TTC7A: variants seen among roughly 807,000 people sequenced by gnomAD.
TTC7A encodes the protein tetratricopeptide repeat domain 7A.
TTC7A carries 110 observed loss-of-function variants against 103.7 expected under a neutral mutation model. That is an observed-to-expected ratio of 1.06 (90% confidence interval 0.91 to 1.24). The LOEUF (loss-of-function observed/expected upper bound fraction) is 1.24, where lower values mean the gene tolerates loss of function less well. Ranked by LOEUF, TTC7A falls within the 50% of genes most tolerant of loss-of-function variation. The pLI is 0.00. For synonymous variants in TTC7A, 521 were observed against 467.9 expected (o/e 1.11, Z -1.47); for missense variants, 1,340 against 1,116.3 (o/e 1.20, Z -2.86).
intron 18 of TTC7A, among the ~76,000 whole-genome samples, chr2:47,052,909 C>T (rs1043630101): frequency 2.0e-5 from 3 of 152,116 alleles, no homozygotes; most frequent in Admixed American, 1.3e-4. Context: ...GGAGAAGAAA[C>T]CGAAAGTTGA....
intron 2 of TTC7A, among the ~76,000 whole-genome samples, chr2:46,917,991 G>A (rs1290825861): frequency 6.6e-6 from 1 of 152,118 alleles, no homozygotes; most frequent in Admixed American, 6.5e-5. Flanking sequence ...CTCCCTATGT[G>A]AGTTTACCTA....
chr2:46,961,407 C>T (rs898740398), intron 3 of TTC7A, among the ~76,000 whole-genome samples: 1 of 151,888 alleles, frequency 6.6e-6, no homozygotes, highest in African/African-American at 2.4e-5. Flanking sequence ...GAAACCCTAT[C>T]TCTACTAAAA....
chr2:46,948,516 C>A (rs751056624), intron 1 of TTC7A, among the ~76,000 whole-genome samples: 7 of 152,028 alleles, frequency 4.6e-5, no homozygotes, highest in Non-Finnish European at 1.0e-4. Flanking sequence ...ATAACAGGTG[C>A]CTTCAGAACG....
At chr2:47,056,077 T>G (rs1214730489) in intron 18 of TTC7A, among the ~76,000 whole-genome samples, 1 of 152,170 alleles carries the variant, frequency 6.6e-6, no homozygotes, top group Admixed American at 6.5e-5. Context: ...CTGACTGCCT[T>G]GTGCCCTCTA....
intron 2 of TTC7A, among the ~76,000 whole-genome samples, chr2:46,923,422 G>A (rs1039320740): frequency 1.3e-5 from 2 of 152,218 alleles, no homozygotes; most frequent in Non-Finnish European, 2.9e-5. Flanking sequence ...TCACTGTGGA[G>A]TCTTTAAGGA....
chr2:47,058,310 C>G (rs564203263), intron 18 of TTC7A, among the ~76,000 whole-genome samples: 18 of 152,302 alleles, frequency 1.2e-4, no homozygotes, highest in Non-Finnish European at 2.4e-4. Context: ...AACCAGAGTC[C>G]TCTCACTCAG....
intron 15 of TTC7A, among the ~76,000 whole-genome samples, chr2:47,042,588 A>G (rs1162115913): frequency 1.3e-5 from 2 of 152,208 alleles, no homozygotes; most frequent in African/African-American, 4.8e-5. Context: ...AACCAACTCA[A>G]AATATAAAAT....
chr2:47,008,554 T>C (rs1233667671), intron 10 of TTC7A, among the ~76,000 whole-genome samples: 3 of 152,200 alleles, frequency 2.0e-5, no homozygotes, highest in Non-Finnish European at 2.9e-5. Flanking sequence ...GATTGGCCAG[T>C]TGCCCATGCA....
At chr2:46,937,695 C>T (rs1670049482), upstream of TTC7A, among the ~76,000 whole-genome samples, 2 of 152,186 alleles carry the variant, frequency 1.3e-5, no homozygotes, top group Admixed American at 1.3e-4. The surrounding 1 kb of genome is among the most constrained non-coding windows in gnomAD (Gnocchi z 4.0). Flanking sequence ...ACCTCCTTCT[C>T]CCAAAGTGTT....
intron 11 of TTC7A, among the ~76,000 whole-genome samples, chr2:47,018,373 A>G (rs1572923073): frequency 6.6e-6 from 1 of 151,998 alleles, no homozygotes; most frequent in African/African-American, 2.4e-5. Context: ...ACCTGAGCTC[A>G]GGAGTTCGAG....
chr2:47,044,052 A>ACCAGC (rs1419034694), intron 15 of TTC7A, among the ~76,000 whole-genome samples: 3 of 152,026 alleles, frequency 2.0e-5, no homozygotes, highest in Admixed American at 6.5e-5. Flanking sequence ...GTCCCCAGGA[A>ACCAGC]CCAGCCCAGC....
intron 19 of TTC7A, among the ~76,000 whole-genome samples, chr2:47,062,232 G>GGT (rs919981674): frequency 6.6e-6 from 1 of 152,166 alleles, no homozygotes; most frequent in Admixed American, 6.5e-5. Flanking sequence ...AGCCAGACCA[G>GGT]GTCATCTTCA....
At chr2:46,991,917 C>T (rs1433553272) in intron 5 of TTC7A, among the ~76,000 whole-genome samples, 1 of 152,190 alleles carries the variant, frequency 6.6e-6, no homozygotes, top group Admixed American at 6.5e-5. Context: ...AGACAAGGGT[C>T]CATCTTGCTT....
At chr2:46,945,181 C>T (rs937755609) in intron 1 of TTC7A, among the ~76,000 whole-genome samples, 2 of 152,040 alleles carry the variant, frequency 1.3e-5, no homozygotes, top group Non-Finnish European at 2.9e-5. Flanking sequence ...TAGTTCACTT[C>T]ACCCTGGGCT....
At chr2:47,022,725 C>T (rs547888722) in intron 12 of TTC7A, among the ~76,000 whole-genome samples, 1 of 152,292 alleles carries the variant, frequency 6.6e-6, no homozygotes, top group East Asian at 1.9e-4. Context: ...ATAAGGAACA[C>T]CTGGGTCTGC....
chr2:47,055,583 A>G (rs920526456), intron 18 of TTC7A, among the ~76,000 whole-genome samples: 4 of 152,034 alleles, frequency 2.6e-5, no homozygotes, highest in Non-Finnish European at 2.9e-5. Context: ...CATGACCCCC[A>G]TGATCCCAGG....
chr2:46,979,232 CAG>C (rs1251274075), intron 5 of TTC7A, among the ~76,000 whole-genome samples: 1 of 152,154 alleles, frequency 6.6e-6, no homozygotes, highest in African/African-American at 2.4e-5. Context: ...AAGCAAAGGA[CAG>C]TGAGCTGGCC....
chr2:46,975,819 C>G, intron 4 of TTC7A, among the ~76,000 whole-genome samples: 1 of 152,244 alleles, frequency 6.6e-6, no homozygotes, highest in African/African-American at 2.4e-5. Context: ...TCACTGTAAC[C>G]TCCACCTCCT....
intron 5 of TTC7A, among the ~76,000 whole-genome samples, chr2:46,987,162 T>C (rs954812047): frequency 2.0e-5 from 3 of 151,838 alleles, no homozygotes; most frequent in Non-Finnish European, 4.4e-5. Context: ...GTGGAGGGCG[T>C]CTCTTCCCCT....
Sources: gnomAD v4.1 joint callset for allele counts (sites outside exome capture counted in the v4.1 genomes callset) on GRCh38, gnomAD v4.1.1 for gene constraint, Gnocchi (gnomAD v3.1) non-coding constraint, MANE v1.5 for transcripts, NCBI Gene and HGNC (gene_info 2026-07-23, HGNC 2026-07-21) for gene names.